CAPZA2: variants seen among roughly 807,000 people sequenced by gnomAD.
CAPZA2 encodes the protein capping actin protein of muscle Z-line subunit alpha 2, also known as F-actin-capping protein subunit alpha-2.
In CAPZA2, 13 loss-of-function variants were observed where a neutral mutation model predicts 44.0. The ratio of observed to expected loss-of-function variants is 0.30; its 90% CI spans 0.19 to 0.47. CAPZA2 has a LOEUF of 0.47. Ranked by LOEUF, CAPZA2 falls within the 20% of genes least tolerant of loss-of-function variation. CAPZA2 has a pLI of 1.00. For missense variants in CAPZA2, 244 were observed against 338.6 expected (o/e 0.72, Z 2.19); for synonymous variants, 94 against 108.2 (o/e 0.87, Z 0.81).
chr7:116,915,810 T>C (rs1325785673), intron 8 of CAPZA2: 1 of 255,804 alleles, frequency 3.9e-6, no homozygotes, highest in Non-Finnish European at 7.5e-6. Context: ...TTTTCATCCA[T>C]GTGTGTATCA....
chr7:116,863,628 C>T (rs1796445977), intron 1 of CAPZA2, among the ~76,000 whole-genome samples: 1 of 152,088 alleles, frequency 6.6e-6, no homozygotes, highest in Non-Finnish European at 1.5e-5. Flanking sequence ...AGGGGAGAAC[C>T]CTGCTAATTT....
At chr7:116,893,870 G>A (rs923277900) in intron 3 of CAPZA2, among the ~76,000 whole-genome samples, 8 of 152,042 alleles carry the variant, frequency 5.3e-5, no homozygotes, top group Non-Finnish European at 2.9e-5. Flanking sequence ...ATGACTTTTC[G>A]CAGCTATCCT....
intron 1 of CAPZA2, among the ~76,000 whole-genome samples, chr7:116,863,465 A>G (rs1212531238): frequency 1.3e-5 from 2 of 152,196 alleles, no homozygotes; most frequent in African/African-American, 2.4e-5. Context: ...TTTACTGTAT[A>G]TTAGATGCTG....
At chr7:116,915,962 GTTAT>G (rs1036148751) in intron 8 of CAPZA2, 94 bp from the exon 9 acceptor site, 5 of 812,356 alleles carry the variant, frequency 6.2e-6, no homozygotes, top group African/African-American at 1.8e-5. Flanking sequence ...TTCCTTCTGT[GTTAT>G]TTATTATAAC....
intron 2 of CAPZA2, among the ~76,000 whole-genome samples, chr7:116,889,895 C>T (rs1796809670): frequency 6.6e-6 from 1 of 152,174 alleles, no homozygotes; most frequent in Non-Finnish European, 1.5e-5. Context: ...AGTACTTTTA[C>T]TTCGTGTAAG....
intron 3 of CAPZA2, among the ~76,000 whole-genome samples, chr7:116,893,605 A>G (rs1796880713): frequency 6.6e-6 from 1 of 152,234 alleles, no homozygotes; most frequent in African/African-American, 2.4e-5. Context: ...TGCCTTATAC[A>G]TTCAGTTAAT....
In CAPZA2 at chr7:116,902,246, T is replaced by C. The variant is rs375737098; in HGVS notation, c.220-1931T>C. 5.3e-5 allele frequency among the ~76,000 whole-genome samples: 8 copies of C among 152,290 alleles called. No individual in the cohort carries two copies. In the East Asian group the frequency reaches 1.3e-3, roughly 26 times the overall value. On this transcript the variant is annotated intron_variant, in intron 4 of 9. Transcript: ENST00000361183. ...TTTTAGAAGAAAATCTGAGTCTACA[T>C]GTGCAATACAGGGCTAGGGAGACCA...
intron 2 of CAPZA2, among the ~76,000 whole-genome samples, chr7:116,890,803 T>A (rs1355006059): frequency 2.3e-4 from 28 of 123,068 alleles, no homozygotes; most frequent in Non-Finnish European, 3.8e-4. Context: ...AAAAAAAGAG[T>A]TAGAAAAGAA....
chr7:116,907,983 A>G (rs1379982000), intron 6 of CAPZA2, among the ~76,000 whole-genome samples: 3 of 152,176 alleles, frequency 2.0e-5, no homozygotes, highest in South Asian at 4.1e-4. Context: ...ACAAAGAACT[A>G]TACTTCAAGC....
At position 116,920,596 on chromosome 7, in the gene CAPZA2, G is replaced by A. The variant is rs997815649; in HGVS notation, c.*2729G>A. The A allele has an allele frequency of 6.6e-6, 1 of 152,414 alleles. No individual in the cohort carries two copies. The highest frequency in any genetic ancestry group is 1.5e-5 in the Non-Finnish European group (1 of 68,196). The allele number at this position is 152,414 out of a possible 1,614,324, so 9.4% of individuals were successfully genotyped here. A position where few individuals can be genotyped will look rare whatever the true frequency, so the allele number is the denominator to read the frequency against. On this transcript the variant is annotated 3_prime_UTR_variant, in exon 10 of 10. Transcript: ENST00000361183. ...GTCTGGGGCTGGAGAAATTGAGGAA[G>A]ATTCTTGTAGGAGCAAGTTGGTTTG...
At chr7:116,865,263 G>T (rs1271150983) in intron 1 of CAPZA2, among the ~76,000 whole-genome samples, 1 of 131,638 alleles carries the variant, frequency 7.6e-6, no homozygotes, top group Non-Finnish European at 1.5e-5. Context: ...TTGGCTCACT[G>T]CAACCTCTGC....
At chr7:116,897,452 C>T (rs762331979) in intron 3 of CAPZA2, among the ~76,000 whole-genome samples, 1 of 152,070 alleles carries the variant, frequency 6.6e-6, no homozygotes, top group Non-Finnish European at 1.5e-5. Flanking sequence ...GCTATTTTTA[C>T]ATTTACTAGT....
At chr7:116,896,513 G>A (rs12674017) in intron 3 of CAPZA2, among the ~76,000 whole-genome samples, 43,177 of 151,906 alleles carry the variant, frequency 0.28, 6,432 homozygotes, top group East Asian at 0.4. Flanking sequence ...AAGAAATTTT[G>A]AATTTCTATT....
At chr7:116,916,221 G>A (rs1791677293) in intron 9 of CAPZA2, 99 bp downstream of exon 9, 4 of 1,249,536 alleles carry the variant, frequency 3.2e-6, no homozygotes, top group Non-Finnish European at 4.2e-6. Context: ...CATTGCATCA[G>A]TTAGAGTCTT....
intron 3 of CAPZA2, among the ~76,000 whole-genome samples, chr7:116,897,217 T>G (rs1453428892): frequency 6.6e-6 from 1 of 152,166 alleles, no homozygotes; most frequent in Non-Finnish European, 1.5e-5. Flanking sequence ...AAATTCTAAT[T>G]GACTTGGTTT....
intron 1 of CAPZA2, among the ~76,000 whole-genome samples, chr7:116,884,889 C>T (rs1462682331): frequency 1.3e-5 from 2 of 152,162 alleles, no homozygotes; most frequent in Non-Finnish European, 2.9e-5. Context: ...AGTTCCTGTT[C>T]TGCATCCTCA....
intron 1 of CAPZA2, among the ~76,000 whole-genome samples, chr7:116,864,779 C>T (rs931479296): frequency 2.0e-5 from 3 of 152,038 alleles, no homozygotes; most frequent in African/African-American, 7.2e-5. Context: ...TGGTTTGCAC[C>T]TGTAATGCCA....
intron 5 of CAPZA2, among the ~76,000 whole-genome samples, chr7:116,905,986 TAG>T (rs1369932291): frequency 3.9e-5 from 6 of 152,214 alleles, no homozygotes; most frequent in Non-Finnish European, 8.8e-5. Context: ...CTTATGAAAG[TAG>T]ATTATCTAGA....
chr7:116,865,896 A>G (rs1796477202), intron 1 of CAPZA2, among the ~76,000 whole-genome samples: 1 of 152,182 alleles, frequency 6.6e-6, no homozygotes, highest in South Asian at 2.1e-4. Flanking sequence ...TTAAAAAGTA[A>G]TACCAAGCAA....
Sources: gnomAD v4.1 joint callset for allele counts (sites outside exome capture counted in the v4.1 genomes callset) on GRCh38, gnomAD v4.1.1 for gene constraint, MANE v1.5 for transcripts, NCBI Gene and HGNC (gene_info 2026-07-23, HGNC 2026-07-21) for gene names.